SLC12A6: variants seen among roughly 807,000 people sequenced by gnomAD.
SLC12A6 encodes the protein solute carrier family 12 member 6, also known as K-Cl cotransporter 3.
In SLC12A6, 66 loss-of-function variants were observed where a neutral mutation model predicts 135.3. That is an observed-to-expected ratio of 0.49 (90% CI 0.40 to 0.60). SLC12A6 has a LOEUF of 0.60. SLC12A6 is among the 20% of genes least tolerant of loss of function. The pLI is 0.00. For missense variants in SLC12A6, 1,058 were observed against 1,452.3 expected (o/e 0.73, Z 4.41); for synonymous variants, 513 against 508.8 (o/e 1.01, Z -0.11).
intron 17 of SLC12A6, among the ~76,000 whole-genome samples, chr15:34,241,689 G>C (rs1246364932): frequency 6.6e-6 from 1 of 152,198 alleles, no homozygotes; most frequent in Non-Finnish European, 1.5e-5. Context: ...AGAAAGTAAA[G>C]TTCAATGTGA....
chr15:34,309,970 A>G (rs182799964), intron 2 of SLC12A6, among the ~76,000 whole-genome samples: 1 of 152,120 alleles, frequency 6.6e-6, no homozygotes, highest in African/African-American at 2.4e-5. Flanking sequence ...GTCTATTTCA[A>G]TCTATTTTAA....
intron 2 of SLC12A6, among the ~76,000 whole-genome samples, chr15:34,294,341 T>C (rs1215987246): frequency 6.6e-6 from 1 of 152,136 alleles, no homozygotes; most frequent in African/African-American, 2.4e-5. Flanking sequence ...CAAGCAATTC[T>C]CCTGCCTCAG....
intron 16 of SLC12A6, among the ~76,000 whole-genome samples, chr15:34,242,976 C>G (rs2140676300): frequency 6.6e-6 from 1 of 152,254 alleles, no homozygotes; most frequent in East Asian, 2.0e-4. Context: ...TCACTGCAAC[C>G]TCCGACTCCC....
At chr15:34,236,226 A>T in intron 23 of SLC12A6, 27 bp from the exon 24 acceptor site, 1 of 1,575,110 alleles carries the variant, frequency 6.3e-7, no homozygotes. Context: ...AACACAAGTT[A>T]TTCTACCAAA....
At chr15:34,324,927 G>A (rs347828) in intron 2 of SLC12A6, among the ~76,000 whole-genome samples, 11,281 of 151,972 alleles carry the variant, frequency 0.074, 1,381 homozygotes, top group African/African-American at 0.26. Context: ...TGAATTACTA[G>A]AAAAATAAAA....
In SLC12A6 at chr15:34,317,634, C is replaced by T. The variant is rs374021220; in HGVS notation, c.271+18776G>A. The stretch of plus-strand genomic sequence containing the variant: ...AAAAGAATCGCTTGAACTCGAGAGG[C>T]GGAGGTTGCAGTAAGCCGAGATCAC... On this transcript the variant is annotated intron_variant, in intron 2 of 25. Coordinates refer to ENST00000354181, the MANE Select transcript of SLC12A6 (RefSeq NM_001365088.1). Among the ~76,000 whole-genome samples the T allele has an allele frequency of 3.1e-4, 47 of 152,044 alleles. 1 individual carries two copies. In the East Asian group the frequency reaches 7.9e-3, roughly 26 times the overall value.
At chr15:34,315,579 T>G (rs1245579232) in intron 2 of SLC12A6, among the ~76,000 whole-genome samples, 1 of 147,812 alleles carries the variant, frequency 6.8e-6, no homozygotes, top group African/African-American at 2.6e-5. Flanking sequence ...ATAAAAATAA[T>G]TTTTAAATTA....
intron 2 of SLC12A6, among the ~76,000 whole-genome samples, chr15:34,300,525 A>G (rs1230855916): frequency 6.6e-6 from 1 of 152,116 alleles, no homozygotes; most frequent in African/African-American, 2.4e-5. Context: ...GGCTAGGCAC[A>G]GTGGCTCATG....
rs1890277665 is a variant in SLC12A6, at chr15:34,337,505, C to A, written c.-246G>T. 6.6e-6 allele frequency: 1 copy of A among 152,306 alleles called. No homozygotes were observed. 9.4% of individuals were successfully genotyped at this position (152,306 alleles called of 1,614,324 possible). On this transcript the variant is annotated 5_prime_UTR_variant, in exon 1 of 26. Transcript: ENST00000354181. ...ACTGCAGCTCAGAGTCGTGGCAAGT[C>A]GTAGCTAGTCCACTGAGCCACGGTC...
intron 2 of SLC12A6, among the ~76,000 whole-genome samples, chr15:34,296,906 C>A (rs940299964): frequency 2.0e-5 from 3 of 152,204 alleles, no homozygotes; most frequent in Admixed American, 6.5e-5. Context: ...ATTTTAGTAA[C>A]CAAACTGTTT....
intron 25 of SLC12A6, among the ~76,000 whole-genome samples, chr15:34,234,843 C>T (rs1468703471): frequency 6.6e-6 from 1 of 152,082 alleles, no homozygotes; most frequent in African/African-American, 2.4e-5. Context: ...CTAACTCTAT[C>T]CAAAAGAAAG....
intron 2 of SLC12A6, among the ~76,000 whole-genome samples, chr15:34,327,554 A>T (rs1364439008): frequency 2.0e-5 from 3 of 152,062 alleles, no homozygotes; most frequent in Non-Finnish European, 4.4e-5. Flanking sequence ...GCTACTCAGG[A>T]GGCTGAGGGA....
chr15:34,335,181 T>C (rs1457960387), intron 2 of SLC12A6, among the ~76,000 whole-genome samples: 1 of 152,170 alleles, frequency 6.6e-6, no homozygotes, highest in Non-Finnish European at 1.5e-5. Flanking sequence ...CACTGTAAAA[T>C]TTGTCAAAAA....
intron 2 of SLC12A6, among the ~76,000 whole-genome samples, chr15:34,300,538 T>C (rs777213687): frequency 5.9e-4 from 89 of 152,122 alleles, no homozygotes; most frequent in Non-Finnish European, 8.7e-4. Flanking sequence ...GGCTCATGTC[T>C]GTAATCCCAG....
At chr15:34,257,243 C>T (rs941477976) in intron 6 of SLC12A6, among the ~76,000 whole-genome samples, 1 of 152,100 alleles carries the variant, frequency 6.6e-6, no homozygotes, top group Non-Finnish European at 1.5e-5. Context: ...AATAAAAAAA[C>T]CAAATACCCC....
In SLC12A6 at chr15:34,239,067, G is replaced by A. The variant is rs1254760496; in HGVS notation, c.2530C>T (p.Gln844Ter). Residue 844 changes from glutamine (Q) to a stop codon, truncating the protein, a stop_gained, in exon 20 of 26, where the codon CAG becomes TAG. Transcript: ENST00000354181. LOFTEE classifies it high-confidence loss of function. Reference protein sequence around the residue: ...KLREGISHLIQSCGLGGMKHN... With the variant: ...KLREGISHLI ...TTCATGCCCCCAAGGCCACATGACT[G>A]GATGAGGTGGGAAATGCCCTCTCTC... 1.2e-6 allele frequency: 2 copies of A among 1,614,076 alleles called. No homozygotes were observed. The highest frequency in any genetic ancestry group is 1.1e-5 in the South Asian group (1 of 91,078).
intron 3 of SLC12A6, among the ~76,000 whole-genome samples, chr15:34,268,863 C>CTT (rs201920442): frequency 4.9e-5 from 7 of 143,636 alleles, no homozygotes; most frequent in South Asian, 4.4e-4. Flanking sequence ...TTCTTTCTTT[C>CTT]TTTTTTTTTT....
At chr15:34,328,534 T>C (rs780752507) in intron 2 of SLC12A6, among the ~76,000 whole-genome samples, 3 of 152,232 alleles carry the variant, frequency 2.0e-5, no homozygotes, top group Non-Finnish European at 2.9e-5. Context: ...ATATGTTGTA[T>C]GTTCTGCAGT....
Position 34,235,997 on chromosome 15 carries a change from G to C in SLC12A6, c.3227+18C>G. Reference sequence around the variant, plus strand: ...GATTAGGTAATTTTATGATAAACTTGGGAGTGGGAAAACTTACGGACGCAT... The same window carrying C: ...GATTAGGTAATTTTATGATAAACTTCGGAGTGGGAAAACTTACGGACGCAT... On this transcript the variant is annotated intron_variant, in intron 24 of 25. Transcript: ENST00000354181. 1 of 1,598,292 alleles carries C rather than the reference G, an allele frequency of 6.3e-7. No homozygotes were observed. The highest frequency in any genetic ancestry group is 1.1e-5 in the South Asian group (1 of 90,758).
Sources: gnomAD v4.1 joint callset for allele counts (sites outside exome capture counted in the v4.1 genomes callset) on GRCh38, gnomAD v4.1.1 for gene constraint, MANE v1.5 for transcripts, NCBI Gene and HGNC (gene_info 2026-07-23, HGNC 2026-07-21) for gene names.